RANBP2: variants seen among roughly 807,000 people sequenced by gnomAD.
RANBP2 encodes E3 SUMO-protein ligase RanBP2.
In RANBP2, 57 loss-of-function variants were observed where a neutral mutation model predicts 303.6. The observed-to-expected ratio is 0.19, with a 90% CI of 0.15 to 0.23. The LOEUF is 0.23. RANBP2 is among the 10% of genes least tolerant of loss of function. RANBP2 has a pLI of 1.00. For synonymous variants in RANBP2, 1,167 were observed against 1,301.5 expected (o/e 0.90, Z 2.23); for missense variants, 3,138 against 3,780.8 (o/e 0.83, Z 4.46).
the RANBP2 span, among the ~76,000 whole-genome samples, chr2:109,414,475 CAGA>C: frequency 6.6e-6 from 1 of 152,144 alleles, no homozygotes; most frequent in Non-Finnish European, 1.5e-5. Context: ...ATGGTCAGAG[CAGA>C]AGTTCATGAC....
chr2:109,536,378 C>T, the RANBP2 span, among the ~76,000 whole-genome samples: 1 of 152,190 alleles, frequency 6.6e-6, no homozygotes, highest in African/African-American at 2.4e-5. Context: ...CAAAGGAGAT[C>T]GTTTTGGAGC....
the RANBP2 span, among the ~76,000 whole-genome samples, chr2:109,534,164 C>G: frequency 6.6e-6 from 1 of 152,208 alleles, no homozygotes; most frequent in African/African-American, 2.4e-5. Context: ...GTGTGTAAGA[C>G]TGTCAGAGCC....
the RANBP2 span, among the ~76,000 whole-genome samples, chr2:109,281,995 A>T: frequency 6.6e-6 from 1 of 152,020 alleles, no homozygotes; most frequent in Non-Finnish European, 1.5e-5. Context: ...GGCTTTCGGG[A>T]TGCTCCAGGG....
At chr2:109,589,324 G>A in the RANBP2 span, among the ~76,000 whole-genome samples, 1 of 152,070 alleles carries the variant, frequency 6.6e-6, no homozygotes, top group African/African-American at 2.4e-5. Context: ...CTTGAGGCCA[G>A]GAGTTTGAAA....
the RANBP2 span, among the ~76,000 whole-genome samples, chr2:109,446,548 G>T: frequency 6.6e-6 from 1 of 152,192 alleles, no homozygotes; most frequent in East Asian, 1.9e-4. Context: ...GCACCGTGAA[G>T]GTGGTAGGCA....
Position 108,772,850 on chromosome 2 carries a change from G to A in RANBP2, c.8114-18G>A. The A allele has an allele frequency of 6.2e-7, 1 of 1,612,292 alleles. No individual in the cohort carries two copies. The highest frequency in any genetic ancestry group is 8.5e-7 in the Non-Finnish European group (1 of 1,178,934). The stretch of plus-strand genomic sequence containing the variant: ...GCTTCATCTAATTTCGTTTGCTTGT[G>A]TTGTACTGATTTTTCAGATAATGAG... On this transcript the variant is annotated intron_variant, in intron 22 of 28. Transcript: ENST00000283195.
At chr2:108,797,609 G>A in the RANBP2 span, among the ~76,000 whole-genome samples, 1 of 152,096 alleles carries the variant, frequency 6.6e-6, no homozygotes, top group Non-Finnish European at 1.5e-5. Context: ...GGGATAATCA[G>A]CAGAGCAGTC....
Position 108,753,222 on chromosome 2 carries a change from A to T in RANBP2, c.1917+63A>T. On this transcript the variant is annotated intron_variant, in intron 13 of 28. Coordinates refer to ENST00000283195, the MANE Select transcript of RANBP2 (RefSeq NM_006267.5). Reference sequence around the variant, plus strand: ...ATTTCCAGTTTATAAACAAAGACATAGAGCTATACACTGCTTAAATTAATT... The same window carrying T: ...ATTTCCAGTTTATAAACAAAGACATTGAGCTATACACTGCTTAAATTAATT... The T allele has an allele frequency of 3.7e-6, 6 of 1,610,614 alleles. No individual in the cohort carries two copies. The East Asian group carries it at 1.3e-4, about 36-fold the overall frequency.
At chr2:109,246,642 C>T in the RANBP2 span, among the ~76,000 whole-genome samples, 8 of 152,204 alleles carry the variant, frequency 5.3e-5, no homozygotes, top group South Asian at 6.2e-4. Context: ...TCTCCCTGCA[C>T]GTGTCTTATT....
the RANBP2 span, among the ~76,000 whole-genome samples, chr2:108,805,588 G>T: frequency 3.3e-5 from 5 of 151,840 alleles, no homozygotes; most frequent in Non-Finnish European, 7.4e-5. Context: ...ATAGCTGGGC[G>T]TGATGGCGGG....
the RANBP2 span, among the ~76,000 whole-genome samples, chr2:109,167,629 C>A: frequency 6.6e-6 from 1 of 152,088 alleles, no homozygotes; most frequent in Admixed American, 6.5e-5. Flanking sequence ...TGGAGTGCAG[C>A]GGCACGATCT....
chr2:109,136,235 A>T, the RANBP2 span, among the ~76,000 whole-genome samples: 2 of 151,708 alleles, frequency 1.3e-5, no homozygotes, highest in African/African-American at 4.9e-5. Flanking sequence ...TTAAAAAAAA[A>T]CACACACATC....
the RANBP2 span, chr2:108,804,960 G>T: frequency 3.8e-6 from 6 of 1,575,162 alleles, no homozygotes; most frequent in African/African-American, 1.4e-5. Context: ...AGAGACTGAG[G>T]TCCTCTTTTG....
At chr2:108,822,696 A>C in the RANBP2 span, among the ~76,000 whole-genome samples, 1 of 152,202 alleles carries the variant, frequency 6.6e-6, no homozygotes, top group Non-Finnish European at 1.5e-5. Flanking sequence ...CTCTACAGCA[A>C]CCATTGGGTC....
the RANBP2 span, among the ~76,000 whole-genome samples, chr2:109,473,912 G>A: frequency 6.6e-6 from 1 of 152,198 alleles, no homozygotes; most frequent in African/African-American, 2.4e-5. Context: ...CAGCAGTGCT[G>A]TCATTACCCC....
the RANBP2 span, among the ~76,000 whole-genome samples, chr2:109,218,511 A>T: frequency 6.6e-6 from 1 of 152,220 alleles, no homozygotes; most frequent in African/African-American, 2.4e-5. Context: ...AGAAGAGCAG[A>T]TGGAAGGGTG....
At chr2:108,954,171 C>T in the RANBP2 span, among the ~76,000 whole-genome samples, 1 of 152,116 alleles carries the variant, frequency 6.6e-6, no homozygotes, top group African/African-American at 2.4e-5. Context: ...TTATGGCAAC[C>T]TAGATAGCAT....
At chr2:108,825,969 CAA>C in the RANBP2 span, among the ~76,000 whole-genome samples, 1 of 152,100 alleles carries the variant, frequency 6.6e-6, no homozygotes, top group South Asian at 2.1e-4. Context: ...ATGAAGTGGT[CAA>C]TCATTATGGT....
the RANBP2 span, among the ~76,000 whole-genome samples, chr2:109,515,909 C>T: frequency 2.6e-5 from 4 of 152,160 alleles, no homozygotes; most frequent in East Asian, 3.9e-4. Flanking sequence ...ATCCGCCCCA[C>T]GACCCAAACA....
Sources: allele counts gnomAD v4.1 joint callset (sites outside exome capture counted in the v4.1 genomes callset), GRCh38; gene constraint gnomAD v4.1.1; transcripts MANE v1.5; gene names NCBI Gene and HGNC (gene_info 2026-07-23, HGNC 2026-07-21).